The following NEGR1 variants were observed in gnomAD, a reference collection of about 807,000 sequenced individuals.
The protein encoded by NEGR1 is neuronal growth regulator 1.
A neutral mutation model predicts 40.9 loss-of-function variants in NEGR1; 10 were observed. That is an observed-to-expected ratio of 0.24 (90% CI 0.15 to 0.42). NEGR1 has a LOEUF of 0.42. Among genes scored for constraint, NEGR1 ranks in the 10% least tolerant of loss-of-function variants. The probability of loss-of-function intolerance (pLI) is 1.00; values close to 1 mark genes in which losing one functional copy is unlikely to be tolerated. For missense variants in NEGR1, 352 were observed against 438.9 expected (o/e 0.80, Z 1.77); for synonymous variants, 185 against 166.8 (o/e 1.11, Z -0.84).
At chr1:71,603,409 G>C (rs1343376746) in intron 5 of NEGR1, among the ~76,000 whole-genome samples, 3 of 152,184 alleles carry the variant, frequency 2.0e-5, no homozygotes, top group African/African-American at 7.2e-5. Flanking sequence ...ATCTAGAAGA[G>C]AGATATCCTG....
chr1:72,238,178 T>A (rs1654621704), intron 1 of NEGR1, among the ~76,000 whole-genome samples: 1 of 151,888 alleles, frequency 6.6e-6, no homozygotes, highest in South Asian at 2.1e-4. Flanking sequence ...GATTTTCTTG[T>A]ATCTTCCTCT....
chr1:71,478,516 T>C (rs1646835821), intron 6 of NEGR1, among the ~76,000 whole-genome samples: 1 of 152,078 alleles, frequency 6.6e-6, no homozygotes. Context: ...CTTTCTCCAT[T>C]GCCCACAACA....
rs966116168 is a variant in NEGR1, at chr1:72,154,759, G to A, written c.176+127560C>T. Among the ~76,000 whole-genome samples the A allele has an allele frequency of 3.9e-5, 6 of 151,950 alleles. No individual in the cohort carries two copies. The East Asian group carries it at 5.8e-4, about 15-fold the overall frequency. On this transcript the variant is annotated intron_variant, in intron 1 of 6. Transcript: ENST00000357731. ...TACACATGACTTACAGGGCAAATCTGAGCCTTGTTGCTTTGGAAGTTACTA... is the reference window on the plus strand; with the variant it reads ...TACACATGACTTACAGGGCAAATCTAAGCCTTGTTGCTTTGGAAGTTACTA...
chr1:72,206,748 G>C (rs115784109), intron 1 of NEGR1, among the ~76,000 whole-genome samples: 2 of 152,088 alleles, frequency 1.3e-5, no homozygotes, highest in Admixed American at 1.3e-4. Flanking sequence ...ATGTAGATTT[G>C]CTAAACATCA....
intron 6 of NEGR1, among the ~76,000 whole-genome samples, chr1:71,474,265 TAAAGA>T (rs954694132): frequency 2.0e-5 from 3 of 146,488 alleles, no homozygotes; most frequent in African/African-American, 5.1e-5. Flanking sequence ...ATGGAATAAA[TAAAGA>T]AAACAGGAAA....
intron 2 of NEGR1, among the ~76,000 whole-genome samples, chr1:71,867,127 C>A (rs557905944): frequency 2.6e-5 from 4 of 152,062 alleles, no homozygotes; most frequent in Non-Finnish European, 5.9e-5. Flanking sequence ...CTGAGGTGGG[C>A]GGATCACTTG....
At chr1:71,651,643 A>C (rs1185499586) in intron 4 of NEGR1, among the ~76,000 whole-genome samples, 1 of 152,040 alleles carries the variant, frequency 6.6e-6, no homozygotes, top group Non-Finnish European at 1.5e-5. Context: ...ATCATATGTG[A>C]CTTCAGTATC....
intron 1 of NEGR1, among the ~76,000 whole-genome samples, chr1:72,232,837 T>C (rs1654415009): frequency 6.6e-6 from 1 of 152,144 alleles, no homozygotes; most frequent in South Asian, 2.1e-4. Context: ...GTTAATTATG[T>C]AACCTCCTCA....
At chr1:72,076,838 T>C (rs997193350) in intron 1 of NEGR1, among the ~76,000 whole-genome samples, 18 of 151,576 alleles carry the variant, frequency 1.2e-4, no homozygotes, top group Non-Finnish European at 4.4e-5. Flanking sequence ...AACTGGTATT[T>C]AATGTCTACA....
chr1:71,653,856 T>C (rs1762735), intron 4 of NEGR1, among the ~76,000 whole-genome samples: 149,518 of 152,230 alleles, frequency 0.98, 73,479 homozygotes, highest in Middle Eastern at 1. Flanking sequence ...TAATAAATTG[T>C]CAAGTTCACA....
intron 1 of NEGR1, among the ~76,000 whole-genome samples, chr1:72,218,930 C>T (rs1653918522): frequency 6.6e-6 from 1 of 151,952 alleles, no homozygotes; most frequent in Non-Finnish European, 1.5e-5. Context: ...TTGTAATGAC[C>T]ACTGAATTCA....
chr1:71,819,201 A>C (rs1658334269), intron 2 of NEGR1, among the ~76,000 whole-genome samples: 1 of 152,026 alleles, frequency 6.6e-6, no homozygotes, highest in Non-Finnish European at 1.5e-5. Flanking sequence ...AAGCCCCACC[A>C]TATGCATAGA....
chr1:72,099,025 G>A (rs559663695), intron 1 of NEGR1, among the ~76,000 whole-genome samples: 90 of 151,600 alleles, frequency 5.9e-4, no homozygotes, highest in African/African-American at 2.1e-3. Flanking sequence ...TATTCAACTC[G>A]ACTTTTAATA....
intron 6 of NEGR1, among the ~76,000 whole-genome samples, chr1:71,548,118 T>C (rs1647961087): frequency 6.6e-6 from 1 of 151,716 alleles, no homozygotes; most frequent in Non-Finnish European, 1.5e-5. Flanking sequence ...TGAGAGACCT[T>C]GAATTAGAAC....
At chr1:72,129,857 A>C (rs564964322) in intron 1 of NEGR1, among the ~76,000 whole-genome samples, 1 of 152,280 alleles carries the variant, frequency 6.6e-6, no homozygotes, top group East Asian at 1.9e-4. Flanking sequence ...CTTCAAAATA[A>C]ATTCAAAATA....
chr1:71,479,640 A>T (rs1187992655), intron 6 of NEGR1, among the ~76,000 whole-genome samples: 1 of 152,000 alleles, frequency 6.6e-6, no homozygotes, highest in Non-Finnish European at 1.5e-5. Context: ...TGCTTCTGGG[A>T]AACTGTTTTC....
intron 1 of NEGR1, among the ~76,000 whole-genome samples, chr1:72,186,687 C>T (rs1300156763): frequency 6.6e-6 from 1 of 151,706 alleles, no homozygotes; most frequent in African/African-American, 2.4e-5. Context: ...CTGAGGCTTC[C>T]CAATTCTCAA....
intron 3 of NEGR1, among the ~76,000 whole-genome samples, chr1:71,719,007 G>T (rs373170882): frequency 1.4e-3 from 211 of 152,330 alleles, no homozygotes; most frequent in African/African-American, 4.7e-3. Context: ...TGAAGCTGGA[G>T]CTGAGGAAAT....
intron 1 of NEGR1, among the ~76,000 whole-genome samples, chr1:72,143,900 TA>T (rs1650786640): frequency 2.5e-5 from 2 of 80,664 alleles, no homozygotes; most frequent in African/African-American, 1.0e-4. Flanking sequence ...ATATATTATA[TA>T]TATGATATAT....
Sources: gnomAD v4.1 joint callset for allele counts (sites outside exome capture counted in the v4.1 genomes callset) on GRCh38, gnomAD v4.1.1 for gene constraint, MANE v1.5 for transcripts, NCBI Gene and HGNC (gene_info 2026-07-23, HGNC 2026-07-21) for gene names.